Variants in PI4KA observed in about 807,000 individuals in gnomAD.
PI4KA encodes phosphatidylinositol 4-kinase alpha, also known as PI4-kinase alpha.
A neutral mutation model predicts 271.4 loss-of-function variants in PI4KA; 122 were observed. The observed-to-expected ratio is 0.45, with a 90% confidence interval of 0.39 to 0.52. The LOEUF is 0.52. Among genes scored for constraint, PI4KA ranks in the 20% least tolerant of loss-of-function variants. PI4KA has a pLI of 0.00. For synonymous variants in PI4KA, 1,041 were observed against 1,078.8 expected, an observed-to-expected ratio of 0.96 and a Z score of 0.69; for missense variants, 1,969 against 2,769.1, an observed-to-expected ratio of 0.71 and a Z score of 6.48.
At chr22:20,779,266 G>A (rs369383025) in intron 19 of PI4KA, 263 of 1,612,522 alleles carry the variant, frequency 1.6e-4, no homozygotes, top group Non-Finnish European at 2.1e-4. Context: ...CAGCCAGGCC[G>A]CCTTTCACTG....
rs3865715 is a variant in PI4KA, at chr22:20,713,518, C to G, written c.5462-128G>C. The G allele has an allele frequency of 0.37, 259,259 of 704,418 alleles. 45,873 individuals are homozygous for G. Among genetic ancestry groups the G allele is most frequent in the African/African-American group, 0.47 (26,576 of 56,120 alleles). 43.6% of individuals were successfully genotyped at this position (704,418 alleles called of 1,614,324 possible). A position where few individuals can be genotyped will look rare whatever the true frequency, so the allele number is the denominator to read the frequency against. ...ATCTTGGGGATCACTTCTTCAAAAC[C>G]CCAAGGAGGCCAAGGAGGAGCCCAG... On this transcript the variant is annotated intron_variant, in intron 47 of 54. Transcript: ENST00000255882.
intron 22 of PI4KA, among the ~76,000 whole-genome samples, chr22:20,764,121 C>T (rs547520803): frequency 6.6e-6 from 1 of 152,312 alleles, no homozygotes; most frequent in East Asian, 1.9e-4. Flanking sequence ...CTTTTCTTGA[C>T]AACAGGAATC....
intron 3 of PI4KA, among the ~76,000 whole-genome samples, chr22:20,833,877 C>CT (rs1247027729): frequency 6.6e-6 from 1 of 151,960 alleles, no homozygotes; most frequent in Admixed American, 6.6e-5. Flanking sequence ...CCAGGCTGGT[C>CT]TTGAACTCCT....
chr22:20,850,450 A>AAT (rs1555910758), intron 1 of PI4KA, among the ~76,000 whole-genome samples: 1 of 149,240 alleles, frequency 6.7e-6, no homozygotes, highest in Non-Finnish European at 1.5e-5. Flanking sequence ...TTAAAAAAAA[A>AAT]TTTTTTTTTT....
chr22:20,801,323 C>T lies in PI4KA; in HGVS notation c.1724+650G>A, dbSNP rs562663259. ...AAATGCAGCCAGGCACGGTGGCTCACGCTTGTAATCCCAGCACTTTGGGAG... is the reference window on the plus strand; with the variant it reads ...AAATGCAGCCAGGCACGGTGGCTCATGCTTGTAATCCCAGCACTTTGGGAG... On this transcript the variant is annotated intron_variant, in intron 14 of 54. Coordinates refer to ENST00000255882, the MANE Select transcript of PI4KA (RefSeq NM_058004.4). Among the ~76,000 whole-genome samples the T allele has an allele frequency of 5.9e-4, 90 of 152,106 alleles. 4 individuals are homozygous for T. In the South Asian group the frequency reaches 0.013, roughly 22 times the overall value.
At chr22:20,761,483 T>C (rs1931967007) in intron 22 of PI4KA, 97 bp from the exon 23 acceptor site, 1 of 768,786 alleles carries the variant, frequency 1.3e-6, no homozygotes, top group Non-Finnish European at 2.3e-6. Context: ...GTGAAGAACA[T>C]TTGCCCTCTG....
intron 29 of PI4KA, among the ~76,000 whole-genome samples, chr22:20,746,049 AAAAAAAAAAGAATTTTT>A (rs1197374913): frequency 7.0e-6 from 1 of 142,478 alleles, no homozygotes; most frequent in Non-Finnish European, 1.5e-5. Flanking sequence ...AAAAAAAAAA[AAAAAAAAAAGAATTTTT>A]TTTTTTTTTT....
intron 19 of PI4KA, among the ~76,000 whole-genome samples, chr22:20,767,776 G>C (rs1020152615): frequency 6.6e-6 from 1 of 151,642 alleles, no homozygotes; most frequent in Non-Finnish European, 1.5e-5. Context: ...CTGGGACTAC[G>C]GGCATGCACC....
rs755446621 is a variant in PI4KA at position 20,747,600 on chromosome 22, G to A, written c.3346C>T (p.Gln1116Ter). 4 of 1,614,092 alleles carry A rather than the reference G, an allele frequency of 2.5e-6. No homozygotes were observed. In the South Asian group the frequency reaches 4.4e-5, roughly 18 times the overall value. Reference protein sequence around the residue: ...SILHFAGYNKQNTTLGATQLS... With the variant: ...SILHFAGYNK ...GCACATACCCCAAGAGTTGTGTTCT[G>A]CTTGTTGTAGCCAGCAAAGTGAAGG... Residue 1116 changes from glutamine (Q) to a stop codon, truncating the protein, a stop_gained, in exon 29 of 55, where the codon CAG (glutamine) becomes TAG (stop). Coordinates refer to ENST00000255882, the MANE Select transcript of PI4KA (RefSeq NM_058004.4). LOFTEE classifies it high-confidence loss of function.
intron 32 of PI4KA, among the ~76,000 whole-genome samples, chr22:20,737,310 C>T (rs1388850747): frequency 2.0e-5 from 3 of 152,222 alleles, no homozygotes; most frequent in Non-Finnish European, 4.4e-5. Flanking sequence ...CAGCTGCTTT[C>T]AAGACCCAGA....
At chr22:20,805,241 G>T in intron 10 of PI4KA, 76 bp from the exon 11 acceptor site, 1 of 1,028,178 alleles carries the variant, frequency 9.7e-7, no homozygotes, top group Non-Finnish European at 1.5e-6. Context: ...AGCGGCTACA[G>T]TCTTCCCCTT....
chr22:20,757,340 T>G (rs140772715), intron 23 of PI4KA, among the ~76,000 whole-genome samples: 1 of 152,122 alleles, frequency 6.6e-6, no homozygotes, highest in Non-Finnish European at 1.5e-5. Context: ...AAGAGTACAA[T>G]GTACTGCAAA....
rs201792693 is a variant in PI4KA, at chr22:20,709,963, G to C, written c.6118C>G (p.Leu2040Val). The C allele has an allele frequency of 1.9e-6, 3 of 1,613,658 alleles. No homozygotes were observed. The highest frequency in any genetic ancestry group is 4.5e-5 in the East Asian group (2 of 44,874). ...YMDAVVSLVT[L>V]MLDTGLPCFR... ...CAGGGCAGGCCCGTGTCCAACATGAGAGTGACCAGGGAGACGACCGCGTCC... is the reference window on the plus strand; with the variant it reads ...CAGGGCAGGCCCGTGTCCAACATGACAGTGACCAGGGAGACGACCGCGTCC... The change falls in exon 53 of 55, where the codon CTC becomes GTC. Residue 2040 changes from leucine (L) to valine (V), a missense_variant. Transcript: ENST00000255882.
At position 20,733,065 on chromosome 22, in the gene PI4KA, C is replaced by A. The variant is rs1928263976; in HGVS notation, c.4194G>T (p.Lys1398Asn). 1.2e-6 allele frequency: 2 copies of A among 1,611,822 alleles called. No individual in the cohort carries two copies. The highest frequency in any genetic ancestry group is 2.7e-5 in the African/African-American group (2 of 74,844). The change falls in exon 36 of 55, where the codon AAG becomes AAT. Residue 1398 changes from lysine to asparagine, a missense_variant. By Grantham distance (94) the Lys-to-Asn change is moderately conservative. This residue lies in a region of PI4KA where 72 missense variants were observed against 103.1 expected (regional missense o/e 0.70). Transcript: ENST00000255882. Reference sequence around the variant, plus strand: ...TGATGCTTATGTCTTCACGCAGCCGCTTCTCTCCTTGAGTAGGGAACTTTG... The same window carrying A: ...TGATGCTTATGTCTTCACGCAGCCGATTCTCTCCTTGAGTAGGGAACTTTG... The part of the protein sequence containing the change: ...CPPKFPTQGE[K>N]RLREDISIMI...
intron 1 of PI4KA, among the ~76,000 whole-genome samples, chr22:20,858,168 T>G (rs1020254425): frequency 6.6e-5 from 10 of 152,180 alleles, no homozygotes; most frequent in African/African-American, 2.2e-4. Flanking sequence ...GGTCGCGGAA[T>G]AAAAAGCAGG....
At chr22:20,790,702 AC>A (rs1311756266) in intron 19 of PI4KA, among the ~76,000 whole-genome samples, 14 of 12,042 alleles carry the variant, frequency 1.2e-3, no homozygotes, top group African/African-American at 1.8e-3. Context: ...AAAAACAAAC[AC>A]ACACACACAC....
chr22:20,753,197 T>C lies in PI4KA; in HGVS notation c.2792-17A>G. 1 of 1,609,652 alleles carries C rather than the reference T, an allele frequency of 6.2e-7. No individual in the cohort carries two copies. The highest frequency in any genetic ancestry group is 8.5e-7 in the Non-Finnish European group (1 of 1,177,456). On this transcript the variant is annotated splice_polypyrimidine_tract_variant and intron_variant, in intron 23 of 54. Transcript: ENST00000255882. Reference sequence around the variant, plus strand: ...GCATCATCCCTGAAACGAGAAGGTTTCCATGGATAAGGTGCAGCAACAGAG... The same window carrying C: ...GCATCATCCCTGAAACGAGAAGGTTCCCATGGATAAGGTGCAGCAACAGAG...
chr22:20,764,505 G>A (rs1255737653), intron 22 of PI4KA: 2 of 257,198 alleles, frequency 7.8e-6, no homozygotes, highest in Non-Finnish European at 1.5e-5. Context: ...CAGCGAGGCT[G>A]GGTCCTCAGA....
Position 20,838,629 on chromosome 22 carries a change from C to T in PI4KA, c.259G>A (p.Glu87Lys), listed in dbSNP as rs1248851681. Reference protein sequence around the residue: ...AVIALGIFLIESDLQHKDCVV... With the variant: ...AVIALGIFLIKSDLQHKDCVV... ...TGAAGACTTACCTGAAGATCAGATT[C>T]AATCAGAAAAATGCCCAATGCAATC... Residue 87 changes from glutamate (E) to lysine (K), a missense_variant, in exon 2 of 55, where the codon GAA (glutamate) becomes AAA (lysine). Glu to Lys is a moderately conservative substitution (Grantham distance 56, BLOSUM62 1). Around this residue, in one of 13 missense-constraint regions of PI4KA, gnomAD observed 540 missense variants for 555.5 expected, o/e 0.97. Transcript: ENST00000255882. 6.3e-7 allele frequency: 1 copy of T among 1,597,956 alleles called. No homozygotes were observed. Among genetic ancestry groups the T allele is most frequent in the Non-Finnish European group, 8.6e-7 (1 of 1,165,574 alleles).
Sources: gnomAD v4.1 joint callset for allele counts (sites outside exome capture counted in the v4.1 genomes callset) on GRCh38, gnomAD v4.1.1 for gene constraint, gnomAD v4.1.1 regional missense constraint, MANE v1.5 for transcripts, NCBI Gene and HGNC (gene_info 2026-07-23, HGNC 2026-07-21) for gene names.